Variants in RASGRF2 observed in about 807,000 individuals in gnomAD.
RASGRF2 encodes the protein ras-specific guanine nucleotide-releasing factor 2.
In RASGRF2, 76 loss-of-function variants were observed where a neutral mutation model predicts 151.0. The ratio of observed to expected loss-of-function variants is 0.50; its 90% CI spans 0.42 to 0.61. The LOEUF (loss-of-function observed/expected upper bound fraction) is 0.61, where lower values mean the gene tolerates loss of function less well. Ranked by LOEUF, RASGRF2 falls within the 20% of genes least tolerant of loss-of-function variation. RASGRF2 has a pLI of 0.00. For synonymous variants in RASGRF2, 504 were observed against 566.5 expected (o/e 0.89, Z 1.57); for missense variants, 1,148 against 1,564.6 (o/e 0.73, Z 4.49).
chr5:81,134,359 G>A (rs1484443156), intron 17 of RASGRF2, among the ~76,000 whole-genome samples: 1 of 146,694 alleles, frequency 6.8e-6, no homozygotes, highest in Non-Finnish European at 1.5e-5. Context: ...TAGGTGGGCT[G>A]GATGTGAGGA....
At chr5:80,992,970 A>AT (rs1303981282) in intron 1 of RASGRF2, among the ~76,000 whole-genome samples, 2 of 152,168 alleles carry the variant, frequency 1.3e-5, no homozygotes, top group East Asian at 3.9e-4. Context: ...AGGTAAAACC[A>AT]TTTTTTCCTG....
rs115385267 is a variant in RASGRF2 at position 81,098,390 on chromosome 5, A to G, written c.1755+3398A>G. Among the ~76,000 whole-genome samples, 1,164 of 152,310 alleles carry G rather than the reference A, an allele frequency of 7.6e-3. 11 individuals carry two copies. The highest frequency in any genetic ancestry group is 0.013 in the Non-Finnish European group (910 of 68,026). ...TTAGAGAGAGATCCGGGTAGGAGAT[A>G]CTGCATCATTTGGGTGGTATTTAAG... On this transcript the variant is annotated intron_variant, in intron 12 of 26. Transcript: ENST00000265080.
intron 9 of RASGRF2, chr5:81,087,258 C>T: frequency 4.3e-6 from 3 of 703,090 alleles, no homozygotes; most frequent in Non-Finnish European, 7.8e-6. Flanking sequence ...CGGCCTGGCC[C>T]ACGGCCGTGG....
intron 15 of RASGRF2, among the ~76,000 whole-genome samples, chr5:81,115,015 A>G (rs1753113067): frequency 6.6e-6 from 1 of 152,186 alleles, no homozygotes; most frequent in Non-Finnish European, 1.5e-5. Flanking sequence ...AATAAAAATG[A>G]TTCACAGTGA....
At chr5:81,066,156 T>G (rs1751595322) in intron 2 of RASGRF2, among the ~76,000 whole-genome samples, 1 of 152,136 alleles carries the variant, frequency 6.6e-6, no homozygotes. Flanking sequence ...CTATTATTAT[T>G]TTTCTCCCTT....
intron 1 of RASGRF2, among the ~76,000 whole-genome samples, chr5:80,993,566 A>G (rs1004442172): frequency 3.3e-5 from 5 of 152,210 alleles, no homozygotes; most frequent in Admixed American, 3.3e-4. Flanking sequence ...AAACTGGGCA[A>G]TTGAGGCACA....
chr5:81,006,916 C>T (rs1281201665), intron 1 of RASGRF2, among the ~76,000 whole-genome samples: 4 of 152,154 alleles, frequency 2.6e-5, no homozygotes, highest in Admixed American at 6.5e-5. Flanking sequence ...TGCGGGCCCA[C>T]GAGACATTGT....
intron 17 of RASGRF2, among the ~76,000 whole-genome samples, chr5:81,145,271 C>T (rs1753979630): frequency 6.6e-6 from 1 of 152,018 alleles, no homozygotes; most frequent in Admixed American, 6.6e-5. Flanking sequence ...AAGGGGCCCA[C>T]AGTCTAACCT....
At chr5:81,097,388 T>A (rs1367515688) in intron 12 of RASGRF2, among the ~76,000 whole-genome samples, 2 of 152,228 alleles carry the variant, frequency 1.3e-5, no homozygotes, top group Admixed American at 6.5e-5. Flanking sequence ...GGCACTGTTC[T>A]AGAGATTTGT....
chr5:80,968,812 TAGTTGGGA>T (rs1747808027), intron 1 of RASGRF2, among the ~76,000 whole-genome samples: 1 of 152,080 alleles, frequency 6.6e-6, no homozygotes, highest in Admixed American at 6.5e-5. Context: ...GCCTCCCAAG[TAGTTGGGA>T]CTACAAATGT....
chr5:81,035,471 G>A (rs1330659873), intron 1 of RASGRF2, among the ~76,000 whole-genome samples: 1 of 152,094 alleles, frequency 6.6e-6, no homozygotes, highest in Non-Finnish European at 1.5e-5. Context: ...GTGGGGTGGG[G>A]CGAGTGGGGA....
At chr5:81,225,623 T>A (rs1376805149) in intron 26 of RASGRF2, 55 bp from the exon 27 acceptor site, 21 of 1,589,626 alleles carry the variant, frequency 1.3e-5, no homozygotes, top group Non-Finnish European at 1.7e-5. Context: ...CGTCAGAAAA[T>A]GTACGCACTG....
chr5:81,053,449 A>G (rs1015187799), intron 2 of RASGRF2, among the ~76,000 whole-genome samples: 2 of 152,048 alleles, frequency 1.3e-5, no homozygotes, highest in Non-Finnish European at 2.9e-5. Context: ...TACAAAGGAC[A>G]TGAACTCATC....
rs552741351 is a variant in RASGRF2 at position 80,969,509 on chromosome 5, C to T, written c.288+8483C>T. ...TGTCACCCACGCTGGAGTGCAGTGG[C>T]GCGATCTTGGCTCACTGCAAGCTCC... is the stretch of plus-strand genomic sequence containing the variant. On this transcript the variant is annotated intron_variant, in intron 1 of 26. Transcript: ENST00000265080. 4.9e-3 allele frequency among the ~76,000 whole-genome samples: 726 copies of T among 149,422 alleles called. 3 individuals are homozygous for T. Among genetic ancestry groups the T allele is most frequent in the Non-Finnish European group, 8.2e-3 (556 of 67,568 alleles).
At chr5:81,110,044 G>C (rs1752953505) in intron 13 of RASGRF2, among the ~76,000 whole-genome samples, 1 of 152,098 alleles carries the variant, frequency 6.6e-6, no homozygotes, top group African/African-American at 2.4e-5. Flanking sequence ...TGCAATCTCT[G>C]TTCCTTCTGA....
intron 18 of RASGRF2, among the ~76,000 whole-genome samples, chr5:81,199,671 G>A (rs1200938650): frequency 6.6e-6 from 1 of 152,114 alleles, no homozygotes; most frequent in South Asian, 2.1e-4. Context: ...GCCAAGGCAG[G>A]CAGGTTACTT....
intron 3 of RASGRF2, chr5:81,070,272 C>T: frequency 4.3e-6 from 2 of 460,400 alleles, no homozygotes; most frequent in South Asian, 4.7e-5. Context: ...CCCGGTCACA[C>T]TTTACACAGT....
chr5:81,025,665 C>T (rs890655606), intron 1 of RASGRF2, among the ~76,000 whole-genome samples: 7 of 152,142 alleles, frequency 4.6e-5, no homozygotes, highest in South Asian at 2.1e-4. Flanking sequence ...GTTTGTTGTC[C>T]GGAGGCAGCA....
chr5:81,108,859 TG>T, intron 12 of RASGRF2, 136 bp from the exon 13 acceptor site: 1 of 1,094,744 alleles, frequency 9.1e-7, no homozygotes, highest in East Asian at 2.7e-5. Flanking sequence ...TGTGTGTGTG[TG>T]TGTGTGTGTG....
Sources: gnomAD v4.1 joint callset for allele counts (sites outside exome capture counted in the v4.1 genomes callset) on GRCh38, gnomAD v4.1.1 for gene constraint, MANE v1.5 for transcripts, NCBI Gene and HGNC (gene_info 2026-07-23, HGNC 2026-07-21) for gene names.